The following C8orf34 variants were observed in gnomAD, a reference collection of about 807,000 sequenced individuals.
C8orf34 encodes chromosome 8 open reading frame 34.
Under a neutral mutation model 68.3 loss-of-function variants are expected in C8orf34, and 65 were observed. The ratio of observed to expected loss-of-function variants is 0.95; its 90% CI spans 0.78 to 1.17. The LOEUF is 1.17. Ranked by LOEUF, C8orf34 falls within the 50% of genes most tolerant of loss-of-function variation. The pLI, the probability that C8orf34 is intolerant of heterozygous loss-of-function variation, is 0.00. For missense variants in C8orf34, 664 were observed against 655.4 expected (o/e 1.01, Z -0.14); for synonymous variants, 244 against 241.2 (o/e 1.01, Z -0.11).
At chr8:68,776,480 C>T (rs1393228445) in intron 11 of C8orf34, 31 bp downstream of exon 11, 7 of 1,567,010 alleles carry the variant, frequency 4.5e-6, no homozygotes, top group Non-Finnish European at 6.1e-6. Flanking sequence ...ATAATGTAGT[C>T]TGAAATCAGT....
At chr8:68,371,692 T>A (rs1258312542) in intron 1 of C8orf34, among the ~76,000 whole-genome samples, 1 of 151,736 alleles carries the variant, frequency 6.6e-6, no homozygotes, top group Non-Finnish European at 1.5e-5. Context: ...CTCTGCCTCC[T>A]GCGTTCAAGC....
intron 1 of C8orf34, chr8:68,437,959 A>G (rs902307138): frequency 6.6e-6 from 1 of 152,162 alleles, no homozygotes; most frequent in Non-Finnish European, 1.5e-5. Flanking sequence ...GTAAATAAAT[A>G]TCCCTTAGAT....
intron 7 of C8orf34, among the ~76,000 whole-genome samples, chr8:68,630,946 T>C (rs915520162): frequency 2.8e-4 from 8 of 28,214 alleles, no homozygotes; most frequent in Admixed American, 2.0e-3. Context: ...TGCCCAGCTA[T>C]TTTTTTTTTT....
chr8:68,732,583 T>C (rs1384834154), intron 10 of C8orf34, among the ~76,000 whole-genome samples: 1 of 152,320 alleles, frequency 6.6e-6, no homozygotes, highest in Non-Finnish European at 1.5e-5. Flanking sequence ...TTTAATGTTA[T>C]AATAGCTTTT....
At chr8:68,374,462 T>C (rs1410667455) in intron 1 of C8orf34, among the ~76,000 whole-genome samples, 1 of 152,210 alleles carries the variant, frequency 6.6e-6, no homozygotes, top group African/African-American at 2.4e-5. Flanking sequence ...TTCATTGTAG[T>C]TCAAACTTAC....
intron 1 of C8orf34, among the ~76,000 whole-genome samples, chr8:68,375,586 A>G (rs970485538): frequency 1.3e-5 from 2 of 152,254 alleles, no homozygotes; most frequent in African/African-American, 2.4e-5. Context: ...CTCAGAAAAA[A>G]GCAATGGCAT....
At chr8:68,811,242 G>T (rs993331144) in intron 12 of C8orf34, among the ~76,000 whole-genome samples, 5 of 152,252 alleles carry the variant, frequency 3.3e-5, no homozygotes, top group African/African-American at 9.6e-5. Flanking sequence ...CAGCTGGGTT[G>T]TGACAGTGCC....
At chr8:68,541,376 G>C (rs1815694515) in intron 7 of C8orf34, among the ~76,000 whole-genome samples, 1 of 151,894 alleles carries the variant, frequency 6.6e-6, no homozygotes, top group Non-Finnish European at 1.5e-5. Context: ...TGAGGGGAGA[G>C]GATCACTTGA....
chr8:68,680,064 T>G (rs1237193929), intron 8 of C8orf34, among the ~76,000 whole-genome samples: 5 of 151,916 alleles, frequency 3.3e-5, no homozygotes, highest in Non-Finnish European at 7.4e-5. Flanking sequence ...AAAGCAAAAA[T>G]GGACAAATGA....
chr8:68,561,117 G>C (rs1384866247), intron 7 of C8orf34, among the ~76,000 whole-genome samples: 1 of 151,442 alleles, frequency 6.6e-6, no homozygotes, highest in Admixed American at 6.6e-5. Context: ...TGAGTAGCTG[G>C]GATTACAGGT....
chr8:68,786,502 C>A (rs1238290566), intron 11 of C8orf34, among the ~76,000 whole-genome samples: 3 of 152,076 alleles, frequency 2.0e-5, no homozygotes, highest in Non-Finnish European at 4.4e-5. Context: ...GTATAATAGG[C>A]ACATAAAGGA....
intron 1 of C8orf34, among the ~76,000 whole-genome samples, chr8:68,346,699 TG>T (rs1406676142): frequency 2.6e-5 from 4 of 152,200 alleles, no homozygotes; most frequent in Non-Finnish European, 4.4e-5. Context: ...TCATACAATA[TG>T]TAGCCTTTTC....
intron 5 of C8orf34, among the ~76,000 whole-genome samples, chr8:68,511,430 G>A (rs770059267): frequency 7.9e-5 from 12 of 152,146 alleles, no homozygotes; most frequent in Non-Finnish European, 1.0e-4. Context: ...TGGGGGCAGT[G>A]AGTAGTTTGG....
chr8:68,802,798 G>A (rs750275499), intron 12 of C8orf34, among the ~76,000 whole-genome samples: 10 of 152,202 alleles, frequency 6.6e-5, no homozygotes, highest in South Asian at 2.1e-4. Context: ...ATGCACCACC[G>A]TGTCCAGCCT....
At chr8:68,684,534 A>G (rs1820456942) in intron 8 of C8orf34, among the ~76,000 whole-genome samples, 1 of 152,190 alleles carries the variant, frequency 6.6e-6, no homozygotes, top group Non-Finnish European at 1.5e-5. Context: ...AATTGTCATT[A>G]CATCTTTCTA....
At chr8:68,668,280 A>G (rs1819902391) in intron 8 of C8orf34, among the ~76,000 whole-genome samples, 1 of 152,192 alleles carries the variant, frequency 6.6e-6, no homozygotes, top group South Asian at 2.1e-4. Context: ...CCTTAGCTCA[A>G]TGATTTAGGA....
intron 10 of C8orf34, among the ~76,000 whole-genome samples, chr8:68,756,684 A>G (rs1822871309): frequency 1.3e-5 from 2 of 152,216 alleles, no homozygotes; most frequent in Non-Finnish European, 2.9e-5. Flanking sequence ...TCACTGATTT[A>G]TAAATTGGAA....
chr8:68,624,732 AATTTATTT>A (rs961597090), intron 7 of C8orf34, among the ~76,000 whole-genome samples: 1 of 151,956 alleles, frequency 6.6e-6, no homozygotes, highest in African/African-American at 2.4e-5. Context: ...CCCTCCTGGG[AATTTATTT>A]ATTTATTTAT....
chr8:68,648,951 A>T (rs1486157255), intron 8 of C8orf34, among the ~76,000 whole-genome samples: 1 of 152,156 alleles, frequency 6.6e-6, no homozygotes, highest in African/African-American at 2.4e-5. Flanking sequence ...TGTCTATATT[A>T]TTTATTAGTT....
Sources: allele counts gnomAD v4.1 joint callset (sites outside exome capture counted in the v4.1 genomes callset), GRCh38; gene constraint gnomAD v4.1.1; transcripts MANE v1.5; gene names NCBI Gene and HGNC (gene_info 2026-07-23, HGNC 2026-07-21).